The following SLC2A12 variants were observed in gnomAD, a reference collection of about 807,000 sequenced individuals.
SLC2A12 encodes solute carrier family 2, facilitated glucose transporter member 12.
Under a neutral mutation model 41.8 loss-of-function variants are expected in SLC2A12, and 23 were observed. The observed-to-expected ratio is 0.55, with a 90% CI of 0.40 to 0.78. SLC2A12 has a LOEUF of 0.78. Among genes scored for constraint, SLC2A12 ranks in the 30% least tolerant of loss-of-function variants. The probability of loss-of-function intolerance (pLI) is 0.00; values close to 1 mark genes in which losing one functional copy is unlikely to be tolerated. For missense variants in SLC2A12, 654 were observed against 745.6 expected (o/e 0.88, Z 1.43); for synonymous variants, 295 against 285.9 (o/e 1.03, Z -0.32).
At position 134,005,659 on chromosome 6, in the gene SLC2A12, T is replaced by TG. The variant is rs1406443549; in HGVS notation, c.1567+1152_1567+1153insC. Among the ~76,000 whole-genome samples the TG allele has an allele frequency of 6.2e-3, 403 of 64,946 alleles. 1 individual carries two copies. The highest frequency in any genetic ancestry group is 0.03 in the Middle Eastern group (2 of 66). The allele number at this position is 64,946 out of a possible 152,430, so 42.6% of individuals were successfully genotyped here. On this transcript the variant is annotated intron_variant, in intron 3 of 4. Coordinates refer to ENST00000275230, the MANE Select transcript of SLC2A12 (RefSeq NM_145176.3). Reference sequence around the variant, plus strand: ...TGGGCAAGAGAGTGAGACTCTGTCTTAAAAAAAAAAAAAAAAAAAAAAAAA... The same window carrying TG: ...TGGGCAAGAGAGTGAGACTCTGTCTTGAAAAAAAAAAAAAAAAAAAAAAAAA...
intron 4 of SLC2A12, among the ~76,000 whole-genome samples, chr6:133,995,014 G>A (rs758403849): frequency 2.5e-4 from 38 of 152,204 alleles, no homozygotes; most frequent in Non-Finnish European, 4.9e-4. Context: ...AGGTAATTGG[G>A]ATGTTAAAAA....
Position 133,991,061 on chromosome 6 carries a change from G to C in SLC2A12, c.*94C>G. The C allele has an allele frequency of 7.1e-7, 1 of 1,408,000 alleles. No individual in the cohort carries two copies. The highest frequency in any genetic ancestry group is 9.6e-7 in the Non-Finnish European group (1 of 1,046,232). 87.2% of individuals were successfully genotyped at this position (1,408,000 alleles called of 1,614,324 possible). The stretch of plus-strand genomic sequence containing the variant: ...TCTTCAAAACCAGTTCCATGACACT[G>C]AAAAGAGAGCACAGGAGTCGCAACT... On this transcript the variant is annotated 3_prime_UTR_variant, in exon 5 of 5. Coordinates refer to ENST00000275230, the MANE Select transcript of SLC2A12 (RefSeq NM_145176.3).
intron 1 of SLC2A12, among the ~76,000 whole-genome samples, chr6:134,032,414 AT>A: frequency 5.7e-5 from 2 of 35,128 alleles, no homozygotes; most frequent in African/African-American, 1.2e-4. Context: ...AAATATATAT[AT>A]ATATATATAT....
intron 2 of SLC2A12, among the ~76,000 whole-genome samples, chr6:134,024,359 A>G (rs952725017): frequency 3.0e-4 from 45 of 152,218 alleles, no homozygotes; most frequent in African/African-American, 2.4e-5. Context: ...GGCCACCACC[A>G]GATGCCAAGA....
chr6:134,028,684 A>G lies in SLC2A12; in HGVS notation c.1141T>C (p.Ser381Pro), dbSNP rs746200180. The change falls in exon 2 of 5, where the codon TCT becomes CCT. Residue 381 changes from serine (S) to proline (P), a missense_variant. By Grantham distance (74) the Ser-to-Pro change is moderately conservative (BLOSUM62 -1). Coordinates refer to ENST00000275230, the MANE Select transcript of SLC2A12 (RefSeq NM_145176.3). Reference sequence around the variant, plus strand: ...GACTCATCCAAGGACTGGTTGATAGAATTGTGGCTTCTGCAGATATGGGTG... The same window carrying G: ...GACTCATCCAAGGACTGGTTGATAGGATTGTGGCTTCTGCAGATATGGGTG... ...NFTHICRSHNSINQSLDESVI... is the reference protein window; with the variant it reads ...NFTHICRSHNPINQSLDESVI... 1 of 1,614,180 alleles carries G rather than the reference A, an allele frequency of 6.2e-7. No individual in the cohort carries two copies. Among genetic ancestry groups the G allele is most frequent in the Admixed American group, 1.7e-5 (1 of 60,012 alleles).
chr6:133,994,630 A>G (rs1184810406), intron 4 of SLC2A12, among the ~76,000 whole-genome samples: 3 of 152,192 alleles, frequency 2.0e-5, no homozygotes, highest in Non-Finnish European at 4.4e-5. Context: ...CGGGAGGCTG[A>G]GGCAGGAGAA....
At chr6:134,018,055 T>A (rs761969905) in intron 2 of SLC2A12, among the ~76,000 whole-genome samples, 6 of 152,072 alleles carry the variant, frequency 3.9e-5, no homozygotes, top group Admixed American at 3.9e-4. Context: ...CTGACTCAGC[T>A]GGATTTATGT....
chr6:134,040,136 G>C (rs1777363487), intron 1 of SLC2A12, among the ~76,000 whole-genome samples: 1 of 151,232 alleles, frequency 6.6e-6, no homozygotes, highest in African/African-American at 2.4e-5. Context: ...GAGTGCAGTG[G>C]TGCGATCTCA....
Position 133,988,419 on chromosome 6 carries a change from A to G in SLC2A12, c.*2736T>C, listed in dbSNP as rs1382361878. 1 of 152,180 alleles carries G rather than the reference A, an allele frequency of 6.6e-6. No homozygotes were observed. Among genetic ancestry groups the G allele is most frequent in the Non-Finnish European group, 1.5e-5 (1 of 68,014 alleles). 9.4% of individuals were successfully genotyped at this position (152,180 alleles called of 1,614,324 possible). A position where few individuals can be genotyped will look rare whatever the true frequency, so the allele number is the denominator to read the frequency against. On this transcript the variant is annotated 3_prime_UTR_variant, in exon 5 of 5. Coordinates refer to ENST00000275230, the MANE Select transcript of SLC2A12 (RefSeq NM_145176.3). Reference sequence around the variant, plus strand: ...GAGAGTCCAATTAGCTTCTCAGGAGAAACTTAATGGGGACAATATTCCAAC... The same window carrying G: ...GAGAGTCCAATTAGCTTCTCAGGAGGAACTTAATGGGGACAATATTCCAAC...
intron 3 of SLC2A12, among the ~76,000 whole-genome samples, chr6:134,004,107 C>T (rs959985196): frequency 6.6e-6 from 1 of 152,228 alleles, no homozygotes; most frequent in African/African-American, 2.4e-5. Context: ...GCTTCACTAG[C>T]TCCTCCAGTG....
At position 134,029,329 on chromosome 6, in the gene SLC2A12, G is replaced by C. The variant is rs920308437; in HGVS notation, c.496C>G (p.Leu166Val). The part of the protein sequence containing the change: ...AEIAPQHRRG[L>V]LVSLNELMIV... The stretch of plus-strand genomic sequence containing the variant: ...ATCAGCTCATTCAGTGACACAAGAA[G>C]GCCTCTTCTGTGTTGAGGAGCAATC... The change falls in exon 2 of 5, where the codon CTT becomes GTT. Residue 166 changes from leucine (L) to valine (V), a missense_variant. By Grantham distance (32) the Leu-to-Val change is conservative. Transcript: ENST00000275230. 1.5e-5 allele frequency: 24 copies of C among 1,614,076 alleles called. 1 individual carries two copies. In the Admixed American group the frequency reaches 2.0e-4, roughly 13 times the overall value.
At position 134,029,210 on chromosome 6, in the gene SLC2A12, G is replaced by A. The variant is rs144637965; in HGVS notation, c.615C>T (p.Pro205=). ...GWKYMFGLVI[P]LGVLQAIAMY... is the part of the protein sequence containing the mutation. The stretch of plus-strand genomic sequence containing the variant: ...TTGCAATTGCTTGCAAAACTCCCAA[G>A]GGAATCACAAGACCAAACATGTACT... The change falls in exon 2 of 5, where the codon CCC becomes CCT. Residue 205 remains proline, a synonymous_variant. Transcript: ENST00000275230. 14 of 1,614,006 alleles carry A rather than the reference G, an allele frequency of 8.7e-6. No homozygotes were observed. The highest frequency in any genetic ancestry group is 1.0e-5 in the Non-Finnish European group (12 of 1,180,044).
intron 1 of SLC2A12, among the ~76,000 whole-genome samples, chr6:134,046,168 A>G (rs1777452564): frequency 6.6e-6 from 1 of 152,166 alleles, no homozygotes; most frequent in Non-Finnish European, 1.5e-5. Context: ...TAACTTCCAT[A>G]AAGTGTGGAA....
intron 2 of SLC2A12, among the ~76,000 whole-genome samples, chr6:134,015,044 T>A (rs910234870): frequency 1.3e-5 from 2 of 152,202 alleles, no homozygotes; most frequent in African/African-American, 4.8e-5. Context: ...ATATAATAAT[T>A]CACCATTCCC....
Position 134,052,511 on chromosome 6 carries a change from C to T in SLC2A12, c.-31G>A. 1 of 1,582,268 alleles carries T rather than the reference C, an allele frequency of 6.3e-7. No homozygotes were observed. Among genetic ancestry groups the T allele is most frequent in the Non-Finnish European group, 8.7e-7 (1 of 1,154,686 alleles). On this transcript the variant is annotated 5_prime_UTR_variant, in exon 1 of 5. Transcript: ENST00000275230. ...CGTAGAAGTTACAGCCGCTTCCCCG[C>T]CACCAAACCGCCCCGACCACCCCCG...
chr6:134,049,382 T>A (rs557721377), intron 1 of SLC2A12, among the ~76,000 whole-genome samples: 1 of 152,292 alleles, frequency 6.6e-6, no homozygotes, highest in Non-Finnish European at 1.5e-5. Flanking sequence ...GCCAATTGTT[T>A]GGATCATGAA....
intron 4 of SLC2A12, among the ~76,000 whole-genome samples, chr6:133,993,567 G>A (rs943289512): frequency 1.6e-4 from 24 of 152,196 alleles, no homozygotes; most frequent in African/African-American, 4.8e-4. Context: ...AAACAACAGT[G>A]AACAAAATTC....
At chr6:134,032,449 A>AAAT (rs1777228070) in intron 1 of SLC2A12, among the ~76,000 whole-genome samples, 1 of 31,974 alleles carries the variant, frequency 3.1e-5, no homozygotes, top group African/African-American at 1.3e-4. Context: ...TATATATATA[A>AAAT]ATATATATAT....
chr6:133,995,214 T>G (rs1776672140), intron 4 of SLC2A12, among the ~76,000 whole-genome samples: 1 of 152,188 alleles, frequency 6.6e-6, no homozygotes, highest in South Asian at 2.1e-4. Context: ...TGTTTTGTTT[T>G]GTTTTTAAAA....
Sources: allele counts gnomAD v4.1 joint callset (sites outside exome capture counted in the v4.1 genomes callset), GRCh38; gene constraint gnomAD v4.1.1; transcripts MANE v1.5; gene names NCBI Gene and HGNC (gene_info 2026-07-23, HGNC 2026-07-21).